The following RAMP3 variants were observed in gnomAD, a reference collection of about 807,000 sequenced individuals.
RAMP3 encodes the protein receptor activity-modifying protein 3.
Under a neutral mutation model 13.5 loss-of-function variants are expected in RAMP3, and 14 were observed. That is an observed-to-expected ratio of 1.04 (90% confidence interval 0.69 to 1.63). The LOEUF is 1.63. Among genes scored for constraint, RAMP3 ranks in the 40% most tolerant of loss-of-function variants. The pLI is 0.00. For missense variants in RAMP3, 200 were observed against 204.8 expected, an observed-to-expected ratio of 0.98 and a Z score of 0.14; for synonymous variants, 106 against 88.3, an observed-to-expected ratio of 1.20 and a Z score of -1.12.
rs200664313 is a variant in RAMP3 at position 45,183,869 on chromosome 7, C to T, written c.*457C>T. ...GCTCCTGCACCAGCCCCAGCTCCTG[C>T]CTACATCCAGGCAGAAAGATAGGCA... On this transcript the variant is annotated 3_prime_UTR_variant, in exon 3 of 3. Coordinates refer to ENST00000242249, the MANE Select transcript of RAMP3 (RefSeq NM_005856.3). 7 of 431,518 alleles carry T rather than the reference C, an allele frequency of 1.6e-5. No individual in the cohort carries two copies. In the East Asian group the frequency reaches 2.3e-4, roughly 14 times the overall value. 26.7% of individuals were successfully genotyped at this position (431,518 alleles called of 1,614,324 possible). A position where few individuals can be genotyped will look rare whatever the true frequency, so the allele number is the denominator to read the frequency against.
At chr7:45,182,165 G>A (rs901994373) in intron 2 of RAMP3, among the ~76,000 whole-genome samples, 1 of 152,236 alleles carries the variant, frequency 6.6e-6, no homozygotes, top group African/African-American at 2.4e-5. Flanking sequence ...GCGGGAAGGA[G>A]GAGATGGGCT....
In RAMP3 at chr7:45,183,723, G is replaced by T; in HGVS notation, c.*311G>T. 1 of 573,940 alleles carries T rather than the reference G, an allele frequency of 1.7e-6. No individual in the cohort carries two copies. The allele number at this position is 573,940 out of a possible 1,614,324, so 35.6% of individuals were successfully genotyped here. Reference sequence around the variant, plus strand: ...CCTGTGCTCCGCAGGCTGGGCCGGAGCCTCTGCCCGCAGGTTTCTATGCTG... The same window carrying T: ...CCTGTGCTCCGCAGGCTGGGCCGGATCCTCTGCCCGCAGGTTTCTATGCTG... On this transcript the variant is annotated 3_prime_UTR_variant, in exon 3 of 3. Transcript: ENST00000242249.
intron 1 of RAMP3, among the ~76,000 whole-genome samples, chr7:45,161,445 C>T (rs1336593273): frequency 6.6e-6 from 1 of 152,014 alleles, no homozygotes; most frequent in Non-Finnish European, 1.5e-5. Context: ...TTCAGAGCAT[C>T]ATAGTTAATG....
Position 45,175,797 on chromosome 7 carries a change from G to A in RAMP3, c.59-1512G>A, listed in dbSNP as rs116915257. Among the ~76,000 whole-genome samples the A allele has an allele frequency of 1.2e-3, 180 of 152,262 alleles. 4 individuals are homozygous for A. The East Asian group carries it at 0.031, about 26-fold the overall frequency. ...CTTAGACAAGCCACTCCCTTTTGCTGGCATCAGACGCTTGTTCAACCAAGG... is the reference window on the plus strand; with the variant it reads ...CTTAGACAAGCCACTCCCTTTTGCTAGCATCAGACGCTTGTTCAACCAAGG... On this transcript the variant is annotated intron_variant, in intron 1 of 2. Transcript: ENST00000242249.
At chr7:45,172,130 G>A (rs1163883027) in intron 1 of RAMP3, among the ~76,000 whole-genome samples, 8 of 152,188 alleles carry the variant, frequency 5.3e-5, no homozygotes, top group Non-Finnish European at 8.8e-5. Flanking sequence ...GGGACTGGGC[G>A]GGGCAGGGAG....
At chr7:45,182,984 C>T (rs971848135) in intron 2 of RAMP3, among the ~76,000 whole-genome samples, 173 bp from the exon 3 acceptor site, 33 of 152,280 alleles carry the variant, frequency 2.2e-4, no homozygotes, top group African/African-American at 7.7e-4. Context: ...GGGAATGGGT[C>T]ATGGGCACAG....
chr7:45,175,419 G>A (rs1786161539), intron 1 of RAMP3, among the ~76,000 whole-genome samples: 1 of 152,230 alleles, frequency 6.6e-6, no homozygotes, highest in East Asian at 1.9e-4. Context: ...GGGGAAGCTT[G>A]CATGGACAGA....
At chr7:45,167,338 C>A (rs1197882121) in intron 1 of RAMP3, among the ~76,000 whole-genome samples, 1 of 152,030 alleles carries the variant, frequency 6.6e-6, no homozygotes, top group African/African-American at 2.4e-5. Context: ...ATCCAGTTGT[C>A]GCAGTACCAT....
In RAMP3 at chr7:45,177,440, G is replaced by T. The variant is rs376505514; in HGVS notation, c.190G>T (p.Val64Leu). 4 of 1,614,042 alleles carry T rather than the reference G, an allele frequency of 2.5e-6. No individual in the cohort carries two copies. In the African/African-American group the frequency reaches 4.0e-5, roughly 16 times the overall value. ...WKWCNLSEFIVYYESFTNCTE... is the reference protein window; with the variant it reads ...WKWCNLSEFILYYESFTNCTE... The stretch of plus-strand genomic sequence containing the variant: ...GTGGTGCAACCTGTCCGAGTTCATC[G>T]TGTGAGTGCCACTGCTGGGCGTGGG... Residue 64 changes from valine (V) to leucine (L), a missense_variant and splice_region_variant, in exon 2 of 3, where the codon GTG becomes TTG. Coordinates refer to ENST00000242249, the MANE Select transcript of RAMP3 (RefSeq NM_005856.3).
Position 45,157,885 on chromosome 7 carries a change from C to T in RAMP3, c.57C>T (p.Cys19=). ...PQLLPLLLLL[C]GGCPRAGGCN... ...TTCTCCCGTTGCTGCTGCTGCTCTG[C>T]GGTAAGGGGGCGACGGCCCGCACCG... Residue 19 remains cysteine (C), a splice_region_variant and synonymous_variant, in exon 1 of 3, where the codon TGC becomes TGT. Transcript: ENST00000242249. The T allele has an allele frequency of 7.2e-7, 1 of 1,385,930 alleles. No homozygotes were observed. Among genetic ancestry groups the T allele is most frequent in the Non-Finnish European group, 9.3e-7 (1 of 1,078,054 alleles). The allele number at this position is 1,385,930 out of a possible 1,614,324, so 85.9% of individuals were successfully genotyped here.
At chr7:45,168,697 A>T (rs2331219) in intron 1 of RAMP3, among the ~76,000 whole-genome samples, 1 of 151,980 alleles carries the variant, frequency 6.6e-6, no homozygotes, top group Non-Finnish European at 1.5e-5. Flanking sequence ...AGATTTTCTA[A>T]GTATAAAATC....
chr7:45,179,387 G>C (rs1283996522), intron 2 of RAMP3, among the ~76,000 whole-genome samples: 1 of 151,966 alleles, frequency 6.6e-6, no homozygotes, highest in African/African-American at 2.4e-5. Flanking sequence ...AGGGTCCCTG[G>C]AAATCTGACC....
chr7:45,163,931 T>C (rs1316505207), intron 1 of RAMP3: 7 of 976,988 alleles, frequency 7.2e-6, no homozygotes, highest in Non-Finnish European at 7.3e-6. Context: ...GATTCCATGA[T>C]GTGAAGGTTC....
chr7:45,183,053 T>C (rs1009806324), intron 2 of RAMP3, 104 bp from the exon 3 acceptor site: 8 of 1,493,122 alleles, frequency 5.4e-6, no homozygotes, highest in Non-Finnish European at 7.2e-6. Flanking sequence ...GGTGGCCAAA[T>C]GGGACTGTAC....
intron 1 of RAMP3, among the ~76,000 whole-genome samples, chr7:45,171,422 C>T (rs2035813566): frequency 6.6e-6 from 1 of 152,220 alleles, no homozygotes; most frequent in African/African-American, 2.4e-5. Flanking sequence ...TCTGAAAGTT[C>T]TGGGATTACA....
chr7:45,182,639 G>A (rs1424826526), intron 2 of RAMP3, among the ~76,000 whole-genome samples: 1 of 152,230 alleles, frequency 6.6e-6, no homozygotes, highest in African/African-American at 2.4e-5. Flanking sequence ...GAAGAGGCAG[G>A]GACTGGGGCT....
chr7:45,181,207 G>A (rs746847352), intron 2 of RAMP3, among the ~76,000 whole-genome samples: 4 of 152,256 alleles, frequency 2.6e-5, no homozygotes, highest in Admixed American at 1.3e-4. Context: ...GATGGTGAGT[G>A]GCTGAGCTGG....
chr7:45,163,263 G>C (rs917159421), intron 1 of RAMP3: 2 of 985,338 alleles, frequency 2.0e-6, no homozygotes, highest in African/African-American at 1.7e-5. Flanking sequence ...ACTAGGGATA[G>C]AGCCCCCAAG....
intron 1 of RAMP3, among the ~76,000 whole-genome samples, chr7:45,159,844 G>A (rs1030667313): frequency 2.0e-5 from 3 of 152,216 alleles, no homozygotes; most frequent in Non-Finnish European, 4.4e-5. Flanking sequence ...GGCCTCATGA[G>A]GCTCACTCAC....
Sources: allele counts gnomAD v4.1 joint callset (sites outside exome capture counted in the v4.1 genomes callset), GRCh38; gene constraint gnomAD v4.1.1; transcripts MANE v1.5; gene names NCBI Gene and HGNC (gene_info 2026-07-23, HGNC 2026-07-21).